The following SAMSN1 variants were observed in gnomAD, a reference collection of about 807,000 sequenced individuals.
SAMSN1 encodes SAM domain, SH3 domain and nuclear localization signals 1, also known as SAM domain-containing protein SAMSN-1.
SAMSN1 carries 31 observed loss-of-function variants against 42.0 expected under a neutral mutation model. That is an observed-to-expected ratio of 0.74 (90% CI 0.55 to 1.00). The LOEUF (loss-of-function observed/expected upper bound fraction) is 1.00. Ranked by LOEUF, SAMSN1 falls within the 50% of genes least tolerant of loss-of-function variation. The pLI, the probability that SAMSN1 is intolerant of heterozygous loss-of-function variation, is 0.00. For missense variants in SAMSN1, 464 were observed against 439.4 expected (o/e 1.06, Z -0.50); for synonymous variants, 178 against 151.9 (o/e 1.17, Z -1.26).
chr21:14,583,542 C>T, upstream of SAMSN1: 2 of 590,892 alleles, frequency 3.4e-6, no homozygotes, highest in Non-Finnish European at 6.1e-6. Flanking sequence ...AAAAAATCCT[C>T]AATGTTTAAT....
At chr21:14,503,343 G>A (rs559038302) in intron 5 of SAMSN1, among the ~76,000 whole-genome samples, 1 of 152,192 alleles carries the variant, frequency 6.6e-6, no homozygotes, top group East Asian at 1.9e-4. Context: ...GGCTTAGAAT[G>A]GACTCCAGTT....
intron 2 of SAMSN1, among the ~76,000 whole-genome samples, chr21:14,620,320 A>G (rs887785316): frequency 2.0e-5 from 3 of 151,980 alleles, no homozygotes; most frequent in Non-Finnish European, 4.4e-5. Flanking sequence ...CGTGATACTG[A>G]GTGAGTTCTT....
chr21:14,615,403 T>C (rs1419197478), intron 3 of SAMSN1, among the ~76,000 whole-genome samples: 3 of 152,168 alleles, frequency 2.0e-5, no homozygotes, highest in African/African-American at 7.2e-5. Flanking sequence ...AATTTACAAT[T>C]GGCCTCAGAC....
In SAMSN1 at chr21:14,500,525, TC is replaced by T. The variant is rs778045143; in HGVS notation, c.768+3del. On this transcript the variant is annotated splice_donor_region_variant and intron_variant, in intron 6 of 7. Coordinates refer to ENST00000400566, the MANE Select transcript of SAMSN1 (RefSeq NM_022136.5). Reference sequence around the variant, plus strand: ...AAAAGCAAACAGAACACAGATTTGCTCACCTGCAGATGAATCCTCTCTAGGA... The same window carrying T: ...AAAAGCAAACAGAACACAGATTTGCTACCTGCAGATGAATCCTCTCTAGGA... 2.5e-6 allele frequency: 4 copies of T among 1,613,016 alleles called. No individual in the cohort carries two copies. The South Asian group carries it at 4.4e-5, about 18-fold the overall frequency.
chr21:14,653,594 G>A (rs1983868317), intron 1 of SAMSN1, among the ~76,000 whole-genome samples: 1 of 151,962 alleles, frequency 6.6e-6, no homozygotes, highest in African/African-American at 2.4e-5. Flanking sequence ...TAGCACAATA[G>A]GGTGACTATT....
At chr21:14,577,135 A>G (rs2123230750) in intron 2 of SAMSN1, among the ~76,000 whole-genome samples, 1 of 121,908 alleles carries the variant, frequency 8.2e-6, no homozygotes, top group Admixed American at 1.0e-4. Context: ...GGCTCATTGC[A>G]ACCTCCACCT....
intron 4 of SAMSN1, among the ~76,000 whole-genome samples, chr21:14,610,796 C>T (rs1450631319): frequency 1.3e-5 from 2 of 152,222 alleles, no homozygotes; most frequent in East Asian, 3.8e-4. Context: ...AACAGGTATC[C>T]TGTGGGCTAC....
chr21:14,569,692 G>T (rs1981231360), intron 2 of SAMSN1, among the ~76,000 whole-genome samples: 1 of 152,134 alleles, frequency 6.6e-6, no homozygotes, highest in Admixed American at 6.6e-5. Flanking sequence ...ACTGGCCAAA[G>T]AAACACAAAG....
intron 1 of SAMSN1, among the ~76,000 whole-genome samples, chr21:14,527,376 A>G (rs1978931341): frequency 6.6e-6 from 1 of 152,222 alleles, no homozygotes. Flanking sequence ...ACGTGGTACC[A>G]GTGGAATACA....
At chr21:14,504,979 AT>A (rs572390547) in intron 5 of SAMSN1, among the ~76,000 whole-genome samples, 264 of 152,342 alleles carry the variant, frequency 1.7e-3, no homozygotes, top group Non-Finnish European at 2.8e-3. Context: ...TTAGCCAAGA[AT>A]TTTGTATCCA....
At chr21:14,649,509 T>C (rs896259896) in intron 1 of SAMSN1, among the ~76,000 whole-genome samples, 21 of 152,200 alleles carry the variant, frequency 1.4e-4, no homozygotes, top group African/African-American at 4.8e-4. Context: ...GTGGGTCACA[T>C]CTGTGATCCC....
intron 6 of SAMSN1, among the ~76,000 whole-genome samples, chr21:14,594,427 G>A (rs1982195332): frequency 6.6e-6 from 1 of 152,078 alleles, no homozygotes; most frequent in Admixed American, 6.6e-5. Context: ...TAGAAGGGTT[G>A]GTGGAAAGGG....
rs139947265 is a variant in SAMSN1, at chr21:14,507,277, A to T, written c.561+3033T>A. Among the ~76,000 whole-genome samples, 179 of 152,310 alleles carry T rather than the reference A, an allele frequency of 1.2e-3. 1 individual carries two copies. Among genetic ancestry groups the T allele is most frequent in the Non-Finnish European group, 2.2e-3 (147 of 68,006 alleles). On this transcript the variant is annotated intron_variant, in intron 5 of 7. Transcript: ENST00000400566. ...GTCACTGTTTTCTGATGATATGATC[A>T]TTTACTTAGAAAACCATAAAGACTC...
chr21:14,621,912 C>G (rs1983021353), intron 2 of SAMSN1, among the ~76,000 whole-genome samples: 1 of 152,178 alleles, frequency 6.6e-6, no homozygotes, highest in Admixed American at 6.5e-5. Flanking sequence ...GCTGGGTACC[C>G]CTCTGAGATG....
At chr21:14,568,611 T>C (rs940769154) in intron 2 of SAMSN1, among the ~76,000 whole-genome samples, 4 of 152,156 alleles carry the variant, frequency 2.6e-5, no homozygotes, top group African/African-American at 9.7e-5. Context: ...CATCTAGTAC[T>C]ATCCATTTAT....
At chr21:14,555,621 T>C (rs1772460852) in intron 2 of SAMSN1, among the ~76,000 whole-genome samples, 2 of 152,178 alleles carry the variant, frequency 1.3e-5, no homozygotes, top group East Asian at 1.9e-4. Context: ...ATGTAAGTGA[T>C]TGTGCTCTCT....
intron 1 of SAMSN1, among the ~76,000 whole-genome samples, chr21:14,643,931 C>A (rs1983655605): frequency 6.6e-6 from 1 of 152,136 alleles, no homozygotes; most frequent in Non-Finnish European, 1.5e-5. Context: ...AAAGAAAACC[C>A]AGACCAAACT....
intron 6 of SAMSN1, among the ~76,000 whole-genome samples, chr21:14,595,076 A>G (rs900542153): frequency 6.6e-6 from 1 of 152,024 alleles, no homozygotes; most frequent in African/African-American, 2.4e-5. Context: ...TCTCATGAGA[A>G]CTCACTTACT....
intron 2 of SAMSN1, among the ~76,000 whole-genome samples, chr21:14,639,030 G>A (rs1052269533): frequency 5.3e-5 from 8 of 152,138 alleles, no homozygotes; most frequent in South Asian, 4.1e-4. Context: ...TAGGAACAAT[G>A]CCTTTGACCC....
Sources: allele counts gnomAD v4.1 joint callset (sites outside exome capture counted in the v4.1 genomes callset), GRCh38; gene constraint gnomAD v4.1.1; transcripts MANE v1.5; gene names NCBI Gene and HGNC (gene_info 2026-07-23, HGNC 2026-07-21).